Variants in COLEC10 observed in about 807,000 individuals in gnomAD.
The protein encoded by COLEC10 is collectin-10.
COLEC10 carries 22 observed loss-of-function variants against 28.4 expected under a neutral mutation model. The observed-to-expected ratio is 0.78, with a 90% CI of 0.55 to 1.11. The LOEUF is 1.11. Ranked by LOEUF, COLEC10 falls within the 50% of genes least tolerant of loss-of-function variation. The probability of loss-of-function intolerance (pLI) is 0.00; values close to 1 mark genes in which losing one functional copy is unlikely to be tolerated. For synonymous variants in COLEC10, 125 were observed against 116.1 expected (o/e 1.08, Z -0.49); for missense variants, 361 against 344.1 (o/e 1.05, Z -0.39).
intron 2 of COLEC10, among the ~76,000 whole-genome samples, chr8:119,013,277 G>A (rs921038121): frequency 1.3e-5 from 2 of 150,200 alleles, no homozygotes; most frequent in South Asian, 4.1e-4. Flanking sequence ...ATTTTTTTCA[G>A]TTATCTTTCT....
At chr8:119,047,162 A>C (rs756670119) in intron 2 of COLEC10, among the ~76,000 whole-genome samples, 2 of 152,228 alleles carry the variant, frequency 1.3e-5, no homozygotes, top group Non-Finnish European at 2.9e-5. Flanking sequence ...GAAATAATAC[A>C]TCATTATCAT....
In COLEC10 at chr8:119,029,320, A is replaced by G. The variant is rs184992633; in HGVS notation, n.235+19767A>G. On this transcript the variant is annotated intron_variant and non_coding_transcript_variant, in intron 2 of 6. Transcript: ENST00000521788. ...TAAAAAGGCAAAAGCTGAAGCCAGCACAATCATCTGGGAGACGATCAGCAA... is the reference window on the plus strand; with the variant it reads ...TAAAAAGGCAAAAGCTGAAGCCAGCGCAATCATCTGGGAGACGATCAGCAA... Among the ~76,000 whole-genome samples, 60 of 152,312 alleles carry G rather than the reference A, an allele frequency of 3.9e-4. 1 individual carries two copies. Among genetic ancestry groups the G allele is most frequent in the African/African-American group, 1.2e-3 (51 of 41,566 alleles).
chr8:119,051,485 A>G (rs931392002), intron 2 of COLEC10, among the ~76,000 whole-genome samples: 1 of 152,150 alleles, frequency 6.6e-6, no homozygotes. Context: ...AACAGCAACA[A>G]AAATATCCTG....
intron 1 of COLEC10, among the ~76,000 whole-genome samples, chr8:119,084,905 A>G (rs2450064): frequency 0.63 from 95,480 of 152,060 alleles, 30,523 homozygotes; most frequent in Middle Eastern, 0.74. Context: ...AGTAATGATT[A>G]TATAATAGAG....
At chr8:118,999,102 G>A (rs1266105707) in intron 1 of COLEC10, among the ~76,000 whole-genome samples, 1 of 151,978 alleles carries the variant, frequency 6.6e-6, no homozygotes, top group African/African-American at 2.4e-5. Flanking sequence ...GATATGCAAG[G>A]TATAGCTAAG....
chr8:119,008,946 T>C (rs545746255), intron 1 of COLEC10, among the ~76,000 whole-genome samples: 2 of 151,052 alleles, frequency 1.3e-5, no homozygotes, highest in Admixed American at 6.6e-5. Flanking sequence ...TTCTTCCTTT[T>C]TTTCCTGAGC....
chr8:119,045,533 A>T (rs552003955), intron 2 of COLEC10, among the ~76,000 whole-genome samples: 1 of 152,250 alleles, frequency 6.6e-6, no homozygotes, highest in African/African-American at 2.4e-5. Context: ...CTGAATTTTA[A>T]TAAGTCCAAA....
chr8:119,074,716 T>C (rs1815191966), intron 1 of COLEC10, among the ~76,000 whole-genome samples: 1 of 152,224 alleles, frequency 6.6e-6, no homozygotes, highest in South Asian at 2.1e-4. Flanking sequence ...CTTTTATTTG[T>C]CAAGAGCTCA....
intron 1 of COLEC10, 136 bp downstream of exon 1, chr8:119,067,565 A>G: frequency 3.6e-6 from 3 of 823,988 alleles, no homozygotes; most frequent in Non-Finnish European, 5.5e-6. Flanking sequence ...ATTTTGGAAA[A>G]TCAGGATTTT....
At chr8:118,997,895 A>G (rs919015917) in intron 1 of COLEC10, among the ~76,000 whole-genome samples, 3 of 152,214 alleles carry the variant, frequency 2.0e-5, no homozygotes, top group African/African-American at 7.2e-5. Flanking sequence ...AGAGAGCAGT[A>G]AAATAAAGGT....
chr8:119,004,407 C>A (rs893608138), intron 1 of COLEC10, among the ~76,000 whole-genome samples: 3 of 151,690 alleles, frequency 2.0e-5, no homozygotes, highest in African/African-American at 7.3e-5. Context: ...CTGAGAGAAG[C>A]CCATGATTCA....
the COLEC10 span, among the ~76,000 whole-genome samples, chr8:118,957,733 T>G: frequency 6.6e-6 from 1 of 152,172 alleles, no homozygotes; most frequent in Non-Finnish European, 1.5e-5. Context: ...ACTGAATGCT[T>G]AGAGTACATT....
chr8:119,021,576 T>C (rs763179352), intron 2 of COLEC10, among the ~76,000 whole-genome samples: 33 of 152,130 alleles, frequency 2.2e-4, no homozygotes, highest in Admixed American at 7.9e-4. Flanking sequence ...TGAGTGTGCA[T>C]CTTGGGTTAA....
At position 119,078,960 on chromosome 8, in the gene COLEC10, C is replaced by T. The variant is rs559595339; in HGVS notation, c.149-10720C>T. ...ACAGAGTGTTGTAAATGTTTAGATG[C>T]CAAAAGCATAAATCTGCTCTGGGAA... On this transcript the variant is annotated intron_variant, in intron 1 of 5. Transcript: ENST00000332843. Among the ~76,000 whole-genome samples, 15 of 149,216 alleles carry T rather than the reference C, an allele frequency of 1.0e-4. 2 individuals are homozygous for T. In the South Asian group the frequency reaches 3.0e-3, roughly 30 times the overall value.
At chr8:118,988,142 A>C in the COLEC10 span, among the ~76,000 whole-genome samples, 1 of 152,262 alleles carries the variant, frequency 6.6e-6, no homozygotes, top group African/African-American at 2.4e-5. Flanking sequence ...AAGTTGTTGA[A>C]GGCTGACTGT....
intron 2 of COLEC10, among the ~76,000 whole-genome samples, chr8:119,040,641 C>A (rs1587013501): frequency 2.0e-5 from 3 of 152,094 alleles, no homozygotes; most frequent in Admixed American, 2.0e-4. Flanking sequence ...TTAGTTGGGT[C>A]CTTTGCAGGA....
intron 1 of COLEC10, among the ~76,000 whole-genome samples, chr8:119,006,131 T>C (rs1813791171): frequency 6.6e-6 from 1 of 152,182 alleles, no homozygotes; most frequent in African/African-American, 2.4e-5. Context: ...TGTCTCTTAC[T>C]GGGTATTTAT....
chr8:119,076,067 ATTTTT>A (rs11330366), intron 1 of COLEC10, among the ~76,000 whole-genome samples: 1 of 90,094 alleles, frequency 1.1e-5, no homozygotes, highest in Non-Finnish European at 2.1e-5. Context: ...CGCCCGGCTA[ATTTTT>A]TTTTTTTTTT....
rs62532216 is a variant in COLEC10 at position 119,099,391 on chromosome 8, C to A, written c.293-2957C>A. Among the ~76,000 whole-genome samples, 110 of 151,882 alleles carry A rather than the reference C, an allele frequency of 7.2e-4. 1 individual carries two copies. The highest frequency in any genetic ancestry group is 1.5e-3 in the Non-Finnish European group (103 of 67,970). On this transcript the variant is annotated intron_variant, in intron 3 of 5. Transcript: ENST00000332843. ...ATGTGAGTCAAGCCCAGTGCTGATC[C>A]GATTATAAGAAAATATTACTATACC...
Sources: gnomAD v4.1 joint callset for allele counts (sites outside exome capture counted in the v4.1 genomes callset) on GRCh38, gnomAD v4.1.1 for gene constraint, MANE v1.5 for transcripts, NCBI Gene and HGNC (gene_info 2026-07-23, HGNC 2026-07-21) for gene names.